Variants in CSMD3 observed in about 807,000 individuals in gnomAD.
CSMD3 encodes the protein CUB and sushi domain-containing protein 3.
In CSMD3, 177 loss-of-function variants were observed where a neutral mutation model predicts 435.2. That is an observed-to-expected ratio of 0.41 (90% CI 0.36 to 0.46). CSMD3 has a LOEUF of 0.46. CSMD3 is among the 20% of genes least tolerant of loss of function. The probability of loss-of-function intolerance (pLI) is 0.34; values close to 1 mark genes in which losing one functional copy is unlikely to be tolerated. For missense variants in CSMD3, 4,265 were observed against 4,504.6 expected, an observed-to-expected ratio of 0.95 and a Z score of 1.52; for synonymous variants, 1,656 against 1,520.5, an observed-to-expected ratio of 1.09 and a Z score of -2.07.
intron 10 of CSMD3, among the ~76,000 whole-genome samples, chr8:112,889,662 C>T (rs1016437561): frequency 4.0e-5 from 6 of 151,496 alleles, no homozygotes; most frequent in African/African-American, 1.2e-4. Flanking sequence ...TGAACTTGGG[C>T]GGCGGTTATG....
chr8:113,352,405 C>T (rs548818831), intron 1 of CSMD3, among the ~76,000 whole-genome samples: 10 of 152,146 alleles, frequency 6.6e-5, no homozygotes, highest in South Asian at 4.2e-4. Context: ...GGATTCTCCC[C>T]GAGAACCTTC....
chr8:113,233,266 ATC>A (rs1563580734), intron 3 of CSMD3, among the ~76,000 whole-genome samples: 1 of 151,408 alleles, frequency 6.6e-6, no homozygotes, highest in African/African-American at 2.4e-5. Context: ...GGGCTTATAT[ATC>A]TCTGATTATT....
chr8:112,457,472 G>T (rs1409668314), intron 32 of CSMD3, among the ~76,000 whole-genome samples: 2 of 152,098 alleles, frequency 1.3e-5, no homozygotes. Context: ...CCTGCAGAAT[G>T]ATATTTCAGT....
intron 40 of CSMD3, among the ~76,000 whole-genome samples, chr8:112,346,681 TTTTTTTTTTTTTTTTTG>T (rs1381033970): frequency 3.0e-5 from 2 of 66,802 alleles, no homozygotes; most frequent in African/African-American, 1.1e-4. Flanking sequence ...TTTTTTTTTT[TTTTTTTTTTTTTTTTTG>T]GAGAAGGAGT....
intron 12 of CSMD3, among the ~76,000 whole-genome samples, chr8:112,809,272 G>A (rs140327265): frequency 1.3e-4 from 20 of 152,214 alleles, no homozygotes; most frequent in East Asian, 5.8e-4. Flanking sequence ...CAGGAGATTC[G>A]ATTTATCTGA....
chr8:112,803,983 C>T (rs945181403), intron 12 of CSMD3, among the ~76,000 whole-genome samples: 1 of 152,148 alleles, frequency 6.6e-6, no homozygotes, highest in Non-Finnish European at 1.5e-5. Flanking sequence ...CTGTTCATCA[C>T]CCTCCACAAA....
chr8:112,769,803 C>T (rs2078067157), intron 13 of CSMD3, among the ~76,000 whole-genome samples: 1 of 151,826 alleles, frequency 6.6e-6, no homozygotes, highest in Non-Finnish European at 1.5e-5. Context: ...TTCCCACAAT[C>T]CATTGAACAT....
chr8:112,292,419 T>C, intron 55 of CSMD3, 118 bp downstream of exon 55: 1 of 924,612 alleles, frequency 1.1e-6, no homozygotes, highest in Admixed American at 1.9e-5. Flanking sequence ...ATTAAAGCTT[T>C]TTGTTTTATT....
Position 113,382,930 on chromosome 8 carries a change from G to C in CSMD3, c.178+53747C>G, listed in dbSNP as rs146571952. 7.1e-3 allele frequency among the ~76,000 whole-genome samples: 1,078 copies of C among 152,252 alleles called. 5 individuals carry two copies. The highest frequency in any genetic ancestry group is 8.4e-3 in the Non-Finnish European group (568 of 68,010). ...TGGCAAGTGGAGGTTGCAGTGAGCTGAGATCGTGCCACTGCACTCCAGCCT... is the reference window on the plus strand; with the variant it reads ...TGGCAAGTGGAGGTTGCAGTGAGCTCAGATCGTGCCACTGCACTCCAGCCT... On this transcript the variant is annotated intron_variant, in intron 1 of 70. Coordinates refer to ENST00000297405, the MANE Select transcript of CSMD3 (RefSeq NM_198123.2).
intron 32 of CSMD3, among the ~76,000 whole-genome samples, chr8:112,423,807 A>G (rs960152327): frequency 6.6e-6 from 1 of 152,184 alleles, no homozygotes; most frequent in African/African-American, 2.4e-5. Context: ...CTGACAAGCA[A>G]TGAGCCTATT....
At chr8:113,286,257 C>T (rs2093645821) in intron 2 of CSMD3, among the ~76,000 whole-genome samples, 1 of 152,002 alleles carries the variant, frequency 6.6e-6, no homozygotes, top group South Asian at 2.1e-4. Context: ...AATATTTCCT[C>T]TGTAAAAACT....
intron 4 of CSMD3, among the ~76,000 whole-genome samples, chr8:113,121,273 C>T (rs1340945490): frequency 6.6e-6 from 1 of 152,070 alleles, no homozygotes; most frequent in African/African-American, 2.4e-5. Context: ...GCACAATCAA[C>T]TGTGTTAAAT....
intron 1 of CSMD3, among the ~76,000 whole-genome samples, chr8:113,407,563 T>C (rs373575027): frequency 6.5e-4 from 98 of 151,718 alleles, no homozygotes; most frequent in African/African-American, 2.1e-3. Flanking sequence ...CACACACACA[T>C]ATATATGTGT....
chr8:112,495,682 G>T (rs1210788621), intron 30 of CSMD3, among the ~76,000 whole-genome samples: 1 of 152,088 alleles, frequency 6.6e-6, no homozygotes, highest in Non-Finnish European at 1.5e-5. Context: ...GCTGGAAAGT[G>T]ATTTTAGTTT....
chr8:113,129,769 G>A (rs2091237192), intron 4 of CSMD3, among the ~76,000 whole-genome samples: 1 of 152,190 alleles, frequency 6.6e-6, no homozygotes, highest in Non-Finnish European at 1.5e-5. Flanking sequence ...ATTCAAATAA[G>A]GGAGGGGAGA....
intron 3 of CSMD3, among the ~76,000 whole-genome samples, chr8:113,230,978 C>A (rs1038541314): frequency 3.3e-5 from 5 of 151,328 alleles, no homozygotes; most frequent in African/African-American, 1.2e-4. Context: ...TTGAAACTAA[C>A]AAATTTACAT....
At chr8:113,171,431 C>T (rs2092266289) in intron 4 of CSMD3, among the ~76,000 whole-genome samples, 1 of 152,050 alleles carries the variant, frequency 6.6e-6, no homozygotes, top group Non-Finnish European at 1.5e-5. Context: ...CATTTTCAGG[C>T]AGTGTTGAGA....
At chr8:113,254,586 A>T (rs558862007) in intron 3 of CSMD3, among the ~76,000 whole-genome samples, 23 of 152,346 alleles carry the variant, frequency 1.5e-4, no homozygotes, top group East Asian at 1.3e-3. Context: ...TCCTTAAGCT[A>T]GTCTAAGGCT....
At chr8:113,314,377 T>C (rs2093893816) in intron 2 of CSMD3, 194 bp downstream of exon 2, 2 of 580,332 alleles carry the variant, frequency 3.4e-6, no homozygotes, top group South Asian at 2.0e-5. Flanking sequence ...ATAGTATTAA[T>C]GTACTAGCAA....
Sources: allele counts gnomAD v4.1 joint callset (sites outside exome capture counted in the v4.1 genomes callset), GRCh38; gene constraint gnomAD v4.1.1; transcripts MANE v1.5; gene names NCBI Gene and HGNC (gene_info 2026-07-23, HGNC 2026-07-21).